ARID1A: variants seen among roughly 807,000 people sequenced by gnomAD.
The protein encoded by ARID1A is AT-rich interaction domain 1A.
In ARID1A, 20 loss-of-function variants were observed where a neutral mutation model predicts 212.6. That is an observed-to-expected ratio of 0.09 (90% CI 0.07 to 0.14). ARID1A has a LOEUF of 0.14. Among genes scored for constraint, ARID1A ranks in the 10% least tolerant of loss-of-function variants. ARID1A has a pLI of 1.00. For synonymous variants in ARID1A, 1,376 were observed against 1,222.1 expected, an observed-to-expected ratio of 1.13 and a Z score of -2.63; for missense variants, 2,587 against 3,059.0, an observed-to-expected ratio of 0.85 and a Z score of 3.64.
At chr1:26,705,459 C>G (rs564643450) in intron 1 of ARID1A, among the ~76,000 whole-genome samples, 95 of 151,918 alleles carry the variant, frequency 6.3e-4, no homozygotes, top group Non-Finnish European at 1.0e-3. Flanking sequence ...TTTCCCCCCC[C>G]CTCAAGTAAT....
intron 1 of ARID1A, among the ~76,000 whole-genome samples, chr1:26,704,923 T>C (rs2080374168): frequency 6.6e-6 from 1 of 152,148 alleles, no homozygotes; most frequent in Non-Finnish European, 1.5e-5. Context: ...CAAATGCTGC[T>C]CACCAATGCT....
At chr1:26,762,344 T>C (rs754940215) in intron 7 of ARID1A, 25 bp downstream of exon 7, 1 of 1,601,578 alleles carries the variant, frequency 6.2e-7, no homozygotes, top group Non-Finnish European at 8.5e-7. Context: ...CAGTTAGGAG[T>C]AGATACGGGT....
intron 1 of ARID1A, among the ~76,000 whole-genome samples, chr1:26,724,413 T>C (rs901912487): frequency 2.6e-5 from 4 of 152,194 alleles, no homozygotes; most frequent in African/African-American, 9.7e-5. Context: ...CTTTCCTCAG[T>C]TGGACTTTTA....
At chr1:26,710,840 A>G (rs1036549970) in intron 1 of ARID1A, among the ~76,000 whole-genome samples, 2 of 152,228 alleles carry the variant, frequency 1.3e-5, no homozygotes, top group Non-Finnish European at 2.9e-5. Context: ...CTATGAAAAA[A>G]GTATTAATGA....
At chr1:26,749,620 C>T (rs561163865) in intron 4 of ARID1A, among the ~76,000 whole-genome samples, 1 of 152,320 alleles carries the variant, frequency 6.6e-6, no homozygotes, top group East Asian at 1.9e-4. Context: ...GAGGGTCAGA[C>T]CTGCCTCAAG....
In ARID1A at chr1:26,731,522, C is replaced by T; in HGVS notation, c.1721C>T (p.Ser574Phe). The T allele has an allele frequency of 6.2e-7, 1 of 1,614,130 alleles. No homozygotes were observed. Among genetic ancestry groups the T allele is most frequent in the Non-Finnish European group, 8.5e-7 (1 of 1,180,032 alleles). Residue 574 changes from serine (S) to phenylalanine (F), a missense_variant, in exon 3 of 20, where the codon TCC (serine) becomes TTC (phenylalanine). By Grantham distance (155) the Ser-to-Phe change is radical. Around this residue, in one of 11 missense-constraint regions of ARID1A, gnomAD observed 674 missense variants for 813.4 expected, o/e 0.83. Transcript: ENST00000324856. ...QPQQPAPSTL[S>F]QQAAYPQPQS... ...CAGCAGCCAGCACCCTCGACGCTCT[C>T]CCAGCAGGCTGCGTATCCTCAGCCC... is the stretch of plus-strand genomic sequence containing the variant.
chr1:26,697,078 C>A lies in ARID1A; in HGVS notation c.675C>A (p.Pro225=). 6.7e-7 allele frequency: 1 copy of A among 1,497,368 alleles called. No individual in the cohort carries two copies. Among genetic ancestry groups the A allele is most frequent in the African/African-American group, 1.5e-5 (1 of 68,224 alleles). The allele number at this position is 1,497,368 out of a possible 1,614,324, so 92.8% of individuals were successfully genotyped here. ...CCAACCGCAGCGCCTACCCCCCGCC[C>A]GCCCCGGCCTACGCGCTGAGCTCCC... The part of the protein sequence containing the change: ...YYPNRSAYPP[P]APAYALSSPR... Residue 225 remains proline (P), a synonymous_variant, in exon 1 of 20, where the codon CCC becomes CCA. Transcript: ENST00000324856.
chr1:26,721,212 T>G (rs533519658), intron 1 of ARID1A, among the ~76,000 whole-genome samples: 4 of 152,262 alleles, frequency 2.6e-5, no homozygotes, highest in Non-Finnish European at 5.9e-5. Context: ...GGTTTGTTTT[T>G]GTTTTTGTTT....
intron 1 of ARID1A, among the ~76,000 whole-genome samples, chr1:26,715,274 C>T (rs1359080677): frequency 6.6e-6 from 1 of 152,114 alleles, no homozygotes; most frequent in Admixed American, 6.6e-5. Context: ...TCAGAAGATG[C>T]ATTTAGAACA....
At chr1:26,748,626 T>G (rs2080858138) in intron 4 of ARID1A, among the ~76,000 whole-genome samples, 1 of 150,722 alleles carries the variant, frequency 6.6e-6, no homozygotes, top group South Asian at 2.1e-4. Flanking sequence ...TTTTTTTTTT[T>G]TTGTCAGATT....
At chr1:26,732,580 C>T in intron 3 of ARID1A, 96 bp from the exon 4 acceptor site, 1 of 963,470 alleles carries the variant, frequency 1.0e-6, no homozygotes, top group Non-Finnish European at 1.6e-6. Flanking sequence ...TTCTCTCACA[C>T]TCATGAGAGA....
intron 4 of ARID1A, among the ~76,000 whole-genome samples, chr1:26,747,010 C>G (rs1293846909): frequency 6.6e-6 from 1 of 152,094 alleles, no homozygotes; most frequent in Admixed American, 6.5e-5. Context: ...CCACTGCACT[C>G]CAGCCTGGTG....
At chr1:26,777,024 C>T (rs148980711) in intron 19 of ARID1A, among the ~76,000 whole-genome samples, 2 of 152,162 alleles carry the variant, frequency 1.3e-5, no homozygotes, top group African/African-American at 2.4e-5. Flanking sequence ...CAGAACAACC[C>T]TGTAAAGTTT....
chr1:26,703,324 G>T (rs1351665834), intron 1 of ARID1A, among the ~76,000 whole-genome samples: 2 of 152,170 alleles, frequency 1.3e-5, no homozygotes, highest in Non-Finnish European at 1.5e-5. Context: ...AGAAGAAGAA[G>T]AATCTATGAA....
At chr1:26,739,497 T>C (rs1045973522) in intron 4 of ARID1A, among the ~76,000 whole-genome samples, 2 of 152,150 alleles carry the variant, frequency 1.3e-5, no homozygotes, top group Non-Finnish European at 2.9e-5. Context: ...GGTAGTCACC[T>C]TTAAGGGAAG....
Position 26,780,054 on chromosome 1 carries a change from C to T in ARID1A, c.6156C>T (p.Cys2052=), listed in dbSNP as rs2124146290. Residue 2052 remains cysteine (C), a synonymous_variant, in exon 20 of 20, where the codon TGC becomes TGT. Transcript: ENST00000324856. The surrounding 1 kb of genome is among the most constrained non-coding windows in gnomAD (Gnocchi z 7.2). ...ACAAAGTGGAGTGGTGGTGGGACTG[C>T]TTGGAGATGCTCCGGGAAAACACCT... The part of the protein sequence containing the change: ...SCNKVEWWWD[C]LEMLRENTLV... The T allele has an allele frequency of 6.2e-7, 1 of 1,614,150 alleles. No homozygotes were observed. The highest frequency in any genetic ancestry group is 8.5e-7 in the Non-Finnish European group (1 of 1,180,026).
Position 26,781,041 on chromosome 1 carries a change from T to C in ARID1A, c.*285T>C. ...GCTCTGCCTACATAGAAGACTTTTT[T>C]TATTTTAACCAAAGTTACTGTTGTT... is the stretch of plus-strand genomic sequence containing the variant. On this transcript the variant is annotated 3_prime_UTR_variant, in exon 20 of 20. Coordinates refer to ENST00000324856, the MANE Select transcript of ARID1A (RefSeq NM_006015.6). The C allele has an allele frequency of 2.8e-6, 1 of 354,524 alleles. No individual in the cohort carries two copies. Among genetic ancestry groups the C allele is most frequent in the Non-Finnish European group, 5.1e-6 (1 of 197,266 alleles). The allele number at this position is 354,524 out of a possible 1,614,324, so 22.0% of individuals were successfully genotyped here.
Position 26,746,731 on chromosome 1 carries a change from A to C in ARID1A, c.1920+13939A>C, listed in dbSNP as rs963296715. ...ACATGGTGAAACCCTGTTTTAGTAA[A>C]ATACAAAAAATTAGCTGGGTGTGGG... On this transcript the variant is annotated intron_variant, in intron 4 of 19. Coordinates refer to ENST00000324856, the MANE Select transcript of ARID1A (RefSeq NM_006015.6). Among the ~76,000 whole-genome samples the C allele has an allele frequency of 7.2e-5, 11 of 152,154 alleles. 1 individual carries two copies. The highest frequency in any genetic ancestry group is 2.7e-4 in the African/African-American group (11 of 41,506).
chr1:26,724,946 G>C (rs2080602468), intron 1 of ARID1A, among the ~76,000 whole-genome samples: 1 of 152,174 alleles, frequency 6.6e-6, no homozygotes, highest in African/African-American at 2.4e-5. Flanking sequence ...GTGGTAAGTG[G>C]TAGATGGAGA....
Sources: gnomAD v4.1 joint callset for allele counts (sites outside exome capture counted in the v4.1 genomes callset) on GRCh38, gnomAD v4.1.1 for gene constraint, gnomAD v4.1.1 regional missense constraint, Gnocchi (gnomAD v3.1) non-coding constraint, MANE v1.5 for transcripts, NCBI Gene and HGNC (gene_info 2026-07-23, HGNC 2026-07-21) for gene names.